The following KRABD5 variants were observed in gnomAD, a reference collection of about 807,000 sequenced individuals.
KRABD5 encodes KRAB domain containing 5.
chr16:31,726,665 G>A, the KRABD5 span, among the ~76,000 whole-genome samples: 1 of 152,158 alleles, frequency 6.6e-6, no homozygotes, highest in Admixed American at 6.5e-5. Context: ...GGAGGCTGAG[G>A]CAAGAGAATT....
chr16:31,742,736 C>T, the KRABD5 span, among the ~76,000 whole-genome samples: 2 of 152,180 alleles, frequency 1.3e-5, no homozygotes. Context: ...GGAATCACCA[C>T]ACTGTCTTCC....
At chr16:31,751,480 G>C in the KRABD5 span, among the ~76,000 whole-genome samples, 1 of 152,080 alleles carries the variant, frequency 6.6e-6, no homozygotes, top group Non-Finnish European at 1.5e-5. Flanking sequence ...GGTTTGTTCA[G>C]GGTTTCAGTT....
At chr16:31,761,472 T>A in the KRABD5 span, 1 of 152,180 alleles carries the variant, frequency 6.6e-6, no homozygotes, top group Non-Finnish European at 1.5e-5. Context: ...GTAACTTAAT[T>A]TTGTATTTTC....
chr16:31,749,601 C>G, the KRABD5 span, among the ~76,000 whole-genome samples: 1 of 152,212 alleles, frequency 6.6e-6, no homozygotes, highest in Non-Finnish European at 1.5e-5. Context: ...ATGGGATCTT[C>G]CGATCCGTGG....
the KRABD5 span, among the ~76,000 whole-genome samples, chr16:31,744,117 C>T: frequency 1.3e-5 from 2 of 151,996 alleles, no homozygotes; most frequent in Non-Finnish European, 2.9e-5. Flanking sequence ...CCCTTTATTT[C>T]TTTCTCTTGC....
chr16:31,756,081 A>C, the KRABD5 span: 1 of 155,746 alleles, frequency 6.4e-6, no homozygotes, highest in East Asian at 1.9e-4. Context: ...TTCTCAGATT[A>C]GTTGTTATAC....
chr16:31,735,823 G>T, the KRABD5 span, among the ~76,000 whole-genome samples: 1 of 152,032 alleles, frequency 6.6e-6, no homozygotes, highest in Non-Finnish European at 1.5e-5. Flanking sequence ...TTAACCTCTT[G>T]TCATATGTAT....
the KRABD5 span, among the ~76,000 whole-genome samples, chr16:31,747,640 C>T: frequency 6.6e-6 from 1 of 152,220 alleles, no homozygotes; most frequent in Non-Finnish European, 1.5e-5. Context: ...TCCACATCCT[C>T]TCCAGCACCT....
the KRABD5 span, among the ~76,000 whole-genome samples, chr16:31,715,544 A>G: frequency 6.6e-6 from 1 of 152,126 alleles, no homozygotes; most frequent in Non-Finnish European, 1.5e-5. Flanking sequence ...GTCTTTGCTG[A>G]GTTCTGTGAA....
chr16:31,729,773 T>A, the KRABD5 span, among the ~76,000 whole-genome samples: 1 of 152,142 alleles, frequency 6.6e-6, no homozygotes, highest in Non-Finnish European at 1.5e-5. Context: ...TTTTATATAC[T>A]TTGATTACTT....
chr16:31,729,561 C>T, the KRABD5 span, among the ~76,000 whole-genome samples: 1 of 152,210 alleles, frequency 6.6e-6, no homozygotes, highest in Non-Finnish European at 1.5e-5. Context: ...CTTCTTAATT[C>T]TATCACAGTG....
the KRABD5 span, chr16:31,755,284 T>C: frequency 4.0e-6 from 2 of 503,160 alleles, no homozygotes; most frequent in African/African-American, 2.0e-5. Context: ...GAATTCATAC[T>C]GGAGAAAAAC....
At chr16:31,737,852 T>C in the KRABD5 span, among the ~76,000 whole-genome samples, 1 of 152,180 alleles carries the variant, frequency 6.6e-6, no homozygotes, top group African/African-American at 2.4e-5. Context: ...ATGTTAATAC[T>C]TGTGCAAAAA....
At chr16:31,759,383 T>A in the KRABD5 span, 1 of 1,532,940 alleles carries the variant, frequency 6.5e-7, no homozygotes, top group African/African-American at 1.4e-5. Context: ...GTGAAAAAAA[T>A]CAACAAGATA....
At chr16:31,734,416 A>C in the KRABD5 span, among the ~76,000 whole-genome samples, 1 of 151,932 alleles carries the variant, frequency 6.6e-6, no homozygotes, top group Non-Finnish European at 1.5e-5. Context: ...GTGCCTGGCT[A>C]ATTTTAAAAA....
the KRABD5 span, among the ~76,000 whole-genome samples, chr16:31,738,907 C>T: frequency 4.6e-5 from 7 of 152,074 alleles, no homozygotes; most frequent in African/African-American, 1.7e-4. Context: ...AACAATTTAC[C>T]TCAAGCTGCT....
At chr16:31,719,864 C>G in the KRABD5 span, among the ~76,000 whole-genome samples, 4 of 152,198 alleles carry the variant, frequency 2.6e-5, no homozygotes, top group Admixed American at 6.5e-5. Context: ...GTAGTTGCTT[C>G]ACAAGTAGTA....
chr16:31,720,304 T>G, the KRABD5 span, among the ~76,000 whole-genome samples: 3 of 152,220 alleles, frequency 2.0e-5, no homozygotes, highest in Non-Finnish European at 4.4e-5. Flanking sequence ...GCGTTGTGAT[T>G]AGAGTATTGG....
the KRABD5 span, chr16:31,755,214 A>G: frequency 2.1e-6 from 1 of 474,476 alleles, no homozygotes; most frequent in South Asian, 1.5e-5. Flanking sequence ...GAAAAACTTT[A>G]CAAATGTAAA....
Sources: gnomAD v4.1 joint callset for allele counts (sites outside exome capture counted in the v4.1 genomes callset) on GRCh38, gnomAD v4.1.1 for gene constraint, MANE v1.5 for transcripts, NCBI Gene and HGNC (gene_info 2026-07-23, HGNC 2026-07-21) for gene names.